Variants in FMNL2 observed in about 807,000 individuals in gnomAD.
FMNL2 encodes the protein formin like 2.
A neutral mutation model predicts 130.2 loss-of-function variants in FMNL2; 51 were observed. The ratio of observed to expected loss-of-function variants is 0.39; its 90% CI spans 0.31 to 0.49. The LOEUF (loss-of-function observed/expected upper bound fraction) is 0.49. FMNL2 is among the 20% of genes least tolerant of loss of function. The pLI is 0.85. For missense variants in FMNL2, 977 were observed against 1,316.2 expected (o/e 0.74, Z 3.99); for synonymous variants, 465 against 467.1 (o/e 1.00, Z 0.06).
At chr2:152,338,065 T>C (rs1560277239) in intron 1 of FMNL2, among the ~76,000 whole-genome samples, 1 of 152,062 alleles carries the variant, frequency 6.6e-6, no homozygotes, top group Non-Finnish European at 1.5e-5. Context: ...AATCTCAACT[T>C]TGCTTTTCTT....
At chr2:152,447,766 T>G (rs1162045446) in intron 1 of FMNL2, among the ~76,000 whole-genome samples, 1 of 152,174 alleles carries the variant, frequency 6.6e-6, no homozygotes, top group Non-Finnish European at 1.5e-5. Context: ...TCCCTTCCCT[T>G]TCCTCCAGTG....
At chr2:152,407,076 C>T (rs777537017) in intron 1 of FMNL2, among the ~76,000 whole-genome samples, 4 of 152,090 alleles carry the variant, frequency 2.6e-5, no homozygotes, top group Non-Finnish European at 5.9e-5. Flanking sequence ...GATTAGAAAC[C>T]GAGCATCTGA....
At chr2:152,429,436 C>A (rs963662582) in intron 1 of FMNL2, among the ~76,000 whole-genome samples, 2 of 152,104 alleles carry the variant, frequency 1.3e-5, no homozygotes, top group Non-Finnish European at 2.9e-5. Flanking sequence ...ATTCATTTTT[C>A]TTTTCAGCAC....
chr2:152,617,225 C>T lies in FMNL2; in HGVS notation c.1314+33C>T, dbSNP rs1699001198. The stretch of plus-strand genomic sequence containing the variant: ...TAATGATGACAACTGCCCAGATGGG[C>T]ACGGTAGGGAATGTACTCCAGCTTT... On this transcript the variant is annotated intron_variant, in intron 13 of 25. Transcript: ENST00000288670. 4 of 1,591,070 alleles carry T rather than the reference C, an allele frequency of 2.5e-6. No individual in the cohort carries two copies. In the East Asian group the frequency reaches 6.7e-5, roughly 27 times the overall value.
chr2:152,597,772 A>G (rs1697844329), intron 9 of FMNL2, among the ~76,000 whole-genome samples: 1 of 152,218 alleles, frequency 6.6e-6, no homozygotes, highest in African/African-American at 2.4e-5. Context: ...CAAGGACCAC[A>G]CTTTAAGAAC....
chr2:152,486,269 T>C (rs1442571328), intron 1 of FMNL2, among the ~76,000 whole-genome samples: 1 of 152,260 alleles, frequency 6.6e-6, no homozygotes, highest in African/African-American at 2.4e-5. Context: ...TGCATGCTTT[T>C]GTGTGTCACA....
intron 9 of FMNL2, among the ~76,000 whole-genome samples, chr2:152,582,184 G>A (rs1165358159): frequency 6.6e-6 from 1 of 152,218 alleles, no homozygotes; most frequent in Non-Finnish European, 1.5e-5. Flanking sequence ...TCCTTGAAAT[G>A]TGTTGAAGTT....
chr2:152,496,773 A>T (rs1691538654), intron 1 of FMNL2, among the ~76,000 whole-genome samples: 1 of 152,168 alleles, frequency 6.6e-6, no homozygotes, highest in South Asian at 2.1e-4. Flanking sequence ...TATTTATTAT[A>T]TTGCTCAAAT....
chr2:152,637,479 T>C (rs1254558383), intron 22 of FMNL2, 94 bp from the exon 23 acceptor site: 2 of 953,856 alleles, frequency 2.1e-6, no homozygotes, highest in Non-Finnish European at 3.3e-6. Context: ...GGAGCCTCTG[T>C]CTTGTGGCTG....
intron 1 of FMNL2, among the ~76,000 whole-genome samples, chr2:152,351,515 T>C (rs891229349): frequency 4.6e-5 from 7 of 152,206 alleles, no homozygotes; most frequent in Non-Finnish European, 8.8e-5. Context: ...TCCATGTCCC[T>C]GCAAAGGCCA....
At chr2:152,626,828 C>A in intron 17 of FMNL2, 101 bp downstream of exon 17, 1 of 1,267,024 alleles carries the variant, frequency 7.9e-7, no homozygotes, top group South Asian at 1.6e-5. Flanking sequence ...GAGACAAGAC[C>A]TAAGATAAAA....
In FMNL2 at chr2:152,606,805, G is replaced by A. The variant is rs1188229798; in HGVS notation, c.877-534G>A. ...GGATGCTACTTCACAAATTACTGCA[G>A]ATTTCTATACTCACCTTAAATGGGT... On this transcript the variant is annotated intron_variant, in intron 9 of 25. Coordinates refer to ENST00000288670, the MANE Select transcript of FMNL2 (RefSeq NM_052905.4). Among the ~76,000 whole-genome samples the A allele has an allele frequency of 2.0e-5, 3 of 151,792 alleles. No homozygotes were observed. In the South Asian group the frequency reaches 6.2e-4, roughly 31 times the overall value.
chr2:152,522,163 A>C, intron 2 of FMNL2, 137 bp downstream of exon 2: 1 of 696,308 alleles, frequency 1.4e-6, no homozygotes, highest in Non-Finnish European at 2.4e-6. Flanking sequence ...AAAGAAGAGA[A>C]CTTCAGAGAA....
At chr2:152,464,040 C>T (rs1182143447) in intron 1 of FMNL2, among the ~76,000 whole-genome samples, 1 of 152,240 alleles carries the variant, frequency 6.6e-6, no homozygotes, top group African/African-American at 2.4e-5. Flanking sequence ...TCAAGCGATT[C>T]TCCTGCCTCA....
chr2:152,486,557 T>C (rs545810445), intron 1 of FMNL2, among the ~76,000 whole-genome samples: 3 of 152,374 alleles, frequency 2.0e-5, no homozygotes, highest in Non-Finnish European at 2.9e-5. Flanking sequence ...ACCCTTCTTA[T>C]TCACTTTCTT....
intron 1 of FMNL2, among the ~76,000 whole-genome samples, chr2:152,482,691 CTA>C (rs1288473668): frequency 3.3e-5 from 5 of 152,178 alleles, no homozygotes; most frequent in African/African-American, 1.2e-4. Context: ...TCATTGCTAC[CTA>C]TCTCATAGGG....
At chr2:152,344,653 A>T (rs538551440) in intron 1 of FMNL2, among the ~76,000 whole-genome samples, 1 of 152,198 alleles carries the variant, frequency 6.6e-6, no homozygotes, top group Non-Finnish European at 1.5e-5. Flanking sequence ...TTAAGCAATG[A>T]CCCAGAAGTA....
At chr2:152,583,992 T>A (rs1464526568) in intron 9 of FMNL2, among the ~76,000 whole-genome samples, 1 of 152,184 alleles carries the variant, frequency 6.6e-6, no homozygotes, top group Non-Finnish European at 1.5e-5. Flanking sequence ...CAGAAGAGCC[T>A]CAACCGATTT....
intron 1 of FMNL2, among the ~76,000 whole-genome samples, chr2:152,377,703 T>G (rs940283337): frequency 1.5e-4 from 23 of 152,228 alleles, no homozygotes; most frequent in Admixed American, 1.4e-3. Context: ...AGAAGCTTAT[T>G]CTTGCATTTG....
Sources: gnomAD v4.1 joint callset for allele counts (sites outside exome capture counted in the v4.1 genomes callset) on GRCh38, gnomAD v4.1.1 for gene constraint, MANE v1.5 for transcripts, NCBI Gene and HGNC (gene_info 2026-07-23, HGNC 2026-07-21) for gene names.